The following GRB10 variants were observed in gnomAD, a reference collection of about 807,000 sequenced individuals.
GRB10 encodes the protein growth factor receptor bound protein 10, also known as growth factor receptor-bound protein 10.
A neutral mutation model predicts 80.9 loss-of-function variants in GRB10; 20 were observed. The ratio of observed to expected loss-of-function variants is 0.25; its 90% CI spans 0.17 to 0.36. GRB10 has a LOEUF of 0.36. Among genes scored for constraint, GRB10 ranks in the 10% least tolerant of loss-of-function variants. The pLI, the probability that GRB10 is intolerant of heterozygous loss-of-function variation, is 1.00. For synonymous variants in GRB10, 291 were observed against 291.5 expected, an observed-to-expected ratio of 1.00 and a Z score of 0.02; for missense variants, 548 against 747.7, an observed-to-expected ratio of 0.73 and a Z score of 3.12.
chr7:50,778,304 A>G (rs2077913749), intron 2 of GRB10, among the ~76,000 whole-genome samples: 1 of 152,210 alleles, frequency 6.6e-6, no homozygotes, highest in Admixed American at 6.5e-5. Flanking sequence ...CTCCTGTAGT[A>G]TCTAAAACCT....
intron 7 of GRB10, among the ~76,000 whole-genome samples, chr7:50,655,587 AAC>A (rs2058564287): frequency 6.6e-6 from 1 of 152,190 alleles, no homozygotes; most frequent in African/African-American, 2.4e-5. Flanking sequence ...TAGTCCAGAT[AAC>A]ACGTCAGCAT....
chr7:50,683,309 G>A (rs2061740626), intron 5 of GRB10, among the ~76,000 whole-genome samples: 1 of 152,222 alleles, frequency 6.6e-6, no homozygotes, highest in Non-Finnish European at 1.5e-5. Flanking sequence ...GCTAGGGAAG[G>A]AAATGGGGTG....
chr7:50,601,175 A>G (rs1417519987), intron 17 of GRB10, among the ~76,000 whole-genome samples: 1 of 152,246 alleles, frequency 6.6e-6, no homozygotes, highest in African/African-American at 2.4e-5. Flanking sequence ...AGAAAACAAA[A>G]TCTTTTCACT....
At chr7:50,661,776 C>A (rs897499851) in intron 7 of GRB10, among the ~76,000 whole-genome samples, 1 of 152,162 alleles carries the variant, frequency 6.6e-6, no homozygotes, top group Non-Finnish European at 1.5e-5. Context: ...GTTGCCCTTG[C>A]CACCACTTCA....
intron 2 of GRB10, among the ~76,000 whole-genome samples, chr7:50,760,019 A>T (rs2075580650): frequency 6.6e-6 from 1 of 152,182 alleles, no homozygotes; most frequent in Non-Finnish European, 1.5e-5. Context: ...CAGGCCCAAT[A>T]ATCCTCAGTG....
At chr7:50,716,236 C>T (rs936280944) in intron 4 of GRB10, among the ~76,000 whole-genome samples, 1 of 152,222 alleles carries the variant, frequency 6.6e-6, no homozygotes, top group East Asian at 1.9e-4. Flanking sequence ...CAGAAGGGTC[C>T]TGCCTCAACA....
chr7:50,608,161 C>A (rs1034487917), intron 13 of GRB10, among the ~76,000 whole-genome samples: 1 of 152,124 alleles, frequency 6.6e-6, no homozygotes, highest in Admixed American at 6.5e-5. Context: ...TAAGCCCGCT[C>A]CGAGCATATA....
At chr7:50,767,561 A>T (rs573843856) in intron 2 of GRB10, among the ~76,000 whole-genome samples, 1 of 152,242 alleles carries the variant, frequency 6.6e-6, no homozygotes, top group Admixed American at 6.5e-5. Flanking sequence ...TGAGGCCCAC[A>T]TCCACCCATC....
rs2045896460 is a variant in GRB10 at position 50,592,002 on chromosome 7, T to C, written c.*950A>G. 1 of 152,252 alleles carries C rather than the reference T, an allele frequency of 6.6e-6. No individual in the cohort carries two copies. Among genetic ancestry groups the C allele is most frequent in the Non-Finnish European group, 1.5e-5 (1 of 68,068 alleles). The allele number at this position is 152,252 out of a possible 1,614,324, so 9.4% of individuals were successfully genotyped here. On this transcript the variant is annotated 3_prime_UTR_variant, in exon 19 of 19. Transcript: ENST00000401949. ...AGCAGGGGTAAGGCAGTGATCGTTC[T>C]AGAACAGGCTGAAGGCTGTGGAAAC...
chr7:50,719,564 C>G lies in GRB10; in HGVS notation c.51+12708G>C, dbSNP rs547798936. ...GGGAGGGAGAGCATTAGGACAAATA[C>G]CTAATGCATGGGGGGCTTAAAAACC... is the stretch of plus-strand genomic sequence containing the variant. On this transcript the variant is annotated intron_variant, in intron 4 of 18. Transcript: ENST00000401949. Among the ~76,000 whole-genome samples, 3 of 151,862 alleles carry G rather than the reference C, an allele frequency of 2.0e-5. 1 individual carries two copies. The South Asian group carries it at 6.3e-4, about 32-fold the overall frequency.
intron 4 of GRB10, among the ~76,000 whole-genome samples, chr7:50,728,349 G>A (rs941227377): frequency 1.3e-5 from 2 of 152,032 alleles, no homozygotes; most frequent in Non-Finnish European, 2.9e-5. Flanking sequence ...ATCAACTCTC[G>A]GAGATGATGT....
chr7:50,641,743 A>C (rs898111175), intron 7 of GRB10, among the ~76,000 whole-genome samples: 12 of 152,220 alleles, frequency 7.9e-5, no homozygotes, highest in Non-Finnish European at 1.5e-4. Flanking sequence ...CTGCTGCTCC[A>C]ACATCTCTGC....
intron 1 of GRB10, 159 bp from the exon 2 acceptor site, chr7:50,780,895 C>T (rs1394677205): frequency 6.6e-6 from 1 of 152,178 alleles, no homozygotes; most frequent in Non-Finnish European, 1.5e-5. Context: ...GGAGCCTAAC[C>T]TCCAAAATTC....
chr7:50,595,695 C>T, intron 17 of GRB10, 165 bp from the exon 18 acceptor site: 1 of 620,910 alleles, frequency 1.6e-6, no homozygotes, highest in Admixed American at 2.3e-5. Flanking sequence ...CCTCTAGGGG[C>T]AACAGCACAC....
intron 2 of GRB10, among the ~76,000 whole-genome samples, chr7:50,765,804 C>T (rs901584202): frequency 3.9e-5 from 6 of 152,120 alleles, no homozygotes; most frequent in Admixed American, 3.3e-4. Context: ...ATCTATTGTA[C>T]ACTTCAAAAT....
chr7:50,706,573 T>C (rs1430368612), intron 4 of GRB10, among the ~76,000 whole-genome samples: 1 of 152,218 alleles, frequency 6.6e-6, no homozygotes, highest in Admixed American at 6.5e-5. Flanking sequence ...TTCTGGAATT[T>C]TTTTCTGGCT....
At chr7:50,748,514 G>A (rs980277552) in intron 3 of GRB10, among the ~76,000 whole-genome samples, 7 of 152,212 alleles carry the variant, frequency 4.6e-5, no homozygotes, top group Admixed American at 6.5e-5. Context: ...GGGAGAATGC[G>A]GAGAAAATCA....
chr7:50,717,994 C>T (rs141993017), intron 4 of GRB10, among the ~76,000 whole-genome samples: 3 of 152,358 alleles, frequency 2.0e-5, no homozygotes, highest in African/African-American at 7.2e-5. Context: ...CTCTGTCACT[C>T]CAGGGAGTCC....
chr7:50,614,398 A>C (rs1366404529), intron 12 of GRB10, among the ~76,000 whole-genome samples: 1 of 152,052 alleles, frequency 6.6e-6, no homozygotes. Flanking sequence ...CCATCAGCTC[A>C]CTCAGTACCA....
Sources: gnomAD v4.1 joint callset for allele counts (sites outside exome capture counted in the v4.1 genomes callset) on GRCh38, gnomAD v4.1.1 for gene constraint, MANE v1.5 for transcripts, NCBI Gene and HGNC (gene_info 2026-07-23, HGNC 2026-07-21) for gene names.